The following YME1L1 variants were observed in gnomAD, a reference collection of about 807,000 sequenced individuals.
YME1L1 encodes the protein YME1 like 1 ATPase.
YME1L1 carries 39 observed loss-of-function variants against 90.4 expected under a neutral mutation model. That is an observed-to-expected ratio of 0.43 (90% CI 0.33 to 0.56). The LOEUF (loss-of-function observed/expected upper bound fraction) is 0.56, where lower values mean the gene tolerates loss of function less well. Among genes scored for constraint, YME1L1 ranks in the 20% least tolerant of loss-of-function variants. The pLI is 0.03. For missense variants in YME1L1, 617 were observed against 868.4 expected, an observed-to-expected ratio of 0.71 and a Z score of 3.64; for synonymous variants, 284 against 287.3, an observed-to-expected ratio of 0.99 and a Z score of 0.12.
chr10:27,111,813 G>T lies in YME1L1; in HGVS notation c.*164C>A. ...TAATTTGCAATAGGTGTCATAATGA[G>T]AATAACCCAAACTGGATAAATGTGA... On this transcript the variant is annotated 3_prime_UTR_variant, in exon 19 of 19. Coordinates refer to ENST00000376016, the MANE Select transcript of YME1L1 (RefSeq NM_014263.4). 2 of 939,392 alleles carry T rather than the reference G, an allele frequency of 2.1e-6. No homozygotes were observed. The highest frequency in any genetic ancestry group is 3.4e-6 in the Non-Finnish European group (2 of 590,494). The allele number at this position is 939,392 out of a possible 1,614,324, so 58.2% of individuals were successfully genotyped here.
At position 27,111,994 on chromosome 10, in the gene YME1L1, T is replaced by C. The variant is rs1026419326; in HGVS notation, c.2134A>G (p.Lys712Glu). 2 of 1,614,056 alleles carry C rather than the reference T, an allele frequency of 1.2e-6. No homozygotes were observed. Among genetic ancestry groups the C allele is most frequent in the South Asian group, 1.1e-5 (1 of 91,068 alleles). Reference sequence around the variant, plus strand: ...GAGAGTTATCATCTCACTTCCAACTTTTTCCCCTCAAGAACAATTTGAATC... The same window carrying C: ...GAGAGTTATCATCTCACTTCCAACTCTTTCCCCTCAAGAACAATTTGAATC... Reference protein sequence around the residue: ...KEIQIVLEGKKLEVR With the variant: ...KEIQIVLEGKELEVR The change falls in exon 19 of 19, where the codon AAG (lysine) becomes GAG (glutamate). Residue 712 changes from lysine (K) to glutamate (E), a missense_variant. This residue lies in a region of YME1L1 where 212 missense variants were observed against 330.0 expected (regional missense o/e 0.64). Transcript: ENST00000376016.
intron 8 of YME1L1, among the ~76,000 whole-genome samples, chr10:27,131,068 C>T (rs1041961614): frequency 2.0e-5 from 3 of 152,212 alleles, no homozygotes; most frequent in Non-Finnish European, 4.4e-5. Context: ...ACGTTCCTTT[C>T]TCAGATAAAT....
chr10:27,139,718 A>G (rs892866788), intron 4 of YME1L1, among the ~76,000 whole-genome samples: 3 of 152,072 alleles, frequency 2.0e-5, no homozygotes, highest in Admixed American at 2.0e-4. Flanking sequence ...TGCTTAGACA[A>G]TTGTCCATTT....
chr10:27,147,332 A>G, intron 2 of YME1L1: 1 of 1,305,328 alleles, frequency 7.7e-7, no homozygotes, highest in South Asian at 1.3e-5. Flanking sequence ...TGTCTTTACA[A>G]AAAATTTAAA....
At chr10:27,147,707 C>T in intron 2 of YME1L1, 4 of 1,548,714 alleles carry the variant, frequency 2.6e-6, no homozygotes, top group Non-Finnish European at 2.6e-6. Context: ...TTGTGGTATG[C>T]TCATTTAGCA....
At chr10:27,137,001 C>CAACTCTGATA (rs2057035518) in intron 4 of YME1L1, among the ~76,000 whole-genome samples, 1 of 138,616 alleles carries the variant, frequency 7.2e-6, no homozygotes, top group Non-Finnish European at 1.5e-5. Context: ...AACTGAGTAT[C>CAACTCTGATA]AACTCTGATA....
At chr10:27,149,159 TA>T in intron 1 of YME1L1, 119 bp from the exon 2 acceptor site, 1 of 830,818 alleles carries the variant, frequency 1.2e-6, no homozygotes, top group Non-Finnish European at 1.8e-6. Context: ...CTCTGTATAC[TA>T]AAAACTGTAA....
rs762144404 is a variant in YME1L1 at position 27,111,894 on chromosome 10, G to A, written c.*83C>T. The A allele has an allele frequency of 2.7e-6, 4 of 1,508,254 alleles. No individual in the cohort carries two copies. In the East Asian group the frequency reaches 6.8e-5, roughly 26 times the overall value. The allele number at this position is 1,508,254 out of a possible 1,614,324, so 93.4% of individuals were successfully genotyped here. ...CAATTACACCACATCAAGAATGAGG[G>A]GAAAGCGTTGTAAAAGTAGACTACT... On this transcript the variant is annotated 3_prime_UTR_variant, in exon 19 of 19. Transcript: ENST00000376016.
chr10:27,143,483 A>G (rs2057111555), intron 3 of YME1L1, among the ~76,000 whole-genome samples: 1 of 151,924 alleles, frequency 6.6e-6, no homozygotes. Context: ...GCGGATCACG[A>G]GGTCAGGAGA....
At chr10:27,121,023 T>C (rs762068917) in intron 12 of YME1L1, among the ~76,000 whole-genome samples, 6 of 152,222 alleles carry the variant, frequency 3.9e-5, no homozygotes, top group Non-Finnish European at 8.8e-5. Context: ...CCTCTCTACA[T>C]ACAACTTTTG....
intron 10 of YME1L1, 107 bp downstream of exon 10, chr10:27,123,440 A>G: frequency 7.4e-7 from 1 of 1,349,234 alleles, no homozygotes; most frequent in Non-Finnish European, 1.0e-6. Flanking sequence ...GCCCCAAAAA[A>G]TAGAAATTAA....
chr10:27,153,745 T>C (rs1203323100), intron 1 of YME1L1, among the ~76,000 whole-genome samples: 2 of 152,152 alleles, frequency 1.3e-5, no homozygotes, highest in African/African-American at 4.8e-5. Context: ...TTAAATTCCA[T>C]TTAAAAGGAA....
rs1376549766 is a variant in YME1L1, at chr10:27,110,677, A to AT, written c.*1299dup. 1 of 152,156 alleles carries AT rather than the reference A, an allele frequency of 6.6e-6. No individual in the cohort carries two copies. Among genetic ancestry groups the AT allele is most frequent in the Non-Finnish European group, 1.5e-5 (1 of 68,016 alleles). The allele number at this position is 152,156 out of a possible 1,614,324, so 9.4% of individuals were successfully genotyped here. On this transcript the variant is annotated 3_prime_UTR_variant, in exon 19 of 19. Transcript: ENST00000376016. Reference sequence around the variant, plus strand: ...AAAGTTCACTTCGGAGGGGACTGAGATTTTTGTTTAATTTTGCTTTTGAAA... The same window carrying AT: ...AAAGTTCACTTCGGAGGGGACTGAGATTTTTTGTTTAATTTTGCTTTTGAAA...
intron 4 of YME1L1, among the ~76,000 whole-genome samples, chr10:27,141,223 C>T (rs2057083508): frequency 6.6e-6 from 1 of 152,020 alleles, no homozygotes; most frequent in African/African-American, 2.4e-5. Context: ...TGGTGAAACC[C>T]CGTCTCTACT....
intron 1 of YME1L1, among the ~76,000 whole-genome samples, chr10:27,149,907 C>T (rs1169771984): frequency 1.3e-5 from 2 of 151,218 alleles, no homozygotes; most frequent in South Asian, 2.1e-4. Flanking sequence ...AATCCCATCG[C>T]CACTAAAAAT....
chr10:27,148,900 A>G lies in YME1L1; in HGVS notation c.168+6T>C. 1 of 1,613,692 alleles carries G rather than the reference A, an allele frequency of 6.2e-7. No homozygotes were observed. The highest frequency in any genetic ancestry group is 8.5e-7 in the Non-Finnish European group (1 of 1,179,952). On this transcript the variant is annotated splice_donor_region_variant and intron_variant, in intron 2 of 18. Transcript: ENST00000376016. ...GCTTTCTCACACAACCAGGATAAAGACTTACCTCACTGCTGGGAGCCTCAT... is the reference window on the plus strand; with the variant it reads ...GCTTTCTCACACAACCAGGATAAAGGCTTACCTCACTGCTGGGAGCCTCAT...
intron 1 of YME1L1, among the ~76,000 whole-genome samples, chr10:27,151,431 C>T (rs2057214520): frequency 6.6e-6 from 1 of 152,204 alleles, no homozygotes. Flanking sequence ...CATCAATGGA[C>T]TAACGCCATT....
chr10:27,113,704 A>G lies in YME1L1; in HGVS notation c.2007+817T>C, dbSNP rs2056783647. Among the ~76,000 whole-genome samples, 5 of 151,612 alleles carry G rather than the reference A, an allele frequency of 3.3e-5. No homozygotes were observed. In the South Asian group the frequency reaches 1.0e-3, roughly 32 times the overall value. On this transcript the variant is annotated intron_variant, in intron 18 of 18. Transcript: ENST00000376016. Reference sequence around the variant, plus strand: ...AAAAAAAAAAGAAAAAACAAAAACAAAAAACTGAAATCATAGAGCTAGGCA... The same window carrying G: ...AAAAAAAAAAGAAAAAACAAAAACAGAAAACTGAAATCATAGAGCTAGGCA...
chr10:27,114,054 T>C (rs1034988728), intron 18 of YME1L1, among the ~76,000 whole-genome samples: 15 of 152,224 alleles, frequency 9.9e-5, no homozygotes, highest in African/African-American at 2.9e-4. Context: ...TAAAGTACAA[T>C]TGAATTTTAT....
Sources: gnomAD v4.1 joint callset for allele counts (sites outside exome capture counted in the v4.1 genomes callset) on GRCh38, gnomAD v4.1.1 for gene constraint, gnomAD v4.1.1 regional missense constraint, MANE v1.5 for transcripts, NCBI Gene and HGNC (gene_info 2026-07-23, HGNC 2026-07-21) for gene names.